NUDCD3: variants seen among roughly 807,000 people sequenced by gnomAD.
NUDCD3 encodes nudC domain-containing protein 3.
Under a neutral mutation model 39.7 loss-of-function variants are expected in NUDCD3, and 13 were observed. The ratio of observed to expected loss-of-function variants is 0.33; its 90% CI spans 0.21 to 0.52. The LOEUF (loss-of-function observed/expected upper bound fraction) is 0.52, where lower values mean the gene tolerates loss of function less well. Among genes scored for constraint, NUDCD3 ranks in the 20% least tolerant of loss-of-function variants. The pLI is 0.96. For synonymous variants in NUDCD3, 175 were observed against 172.4 expected (o/e 1.02, Z -0.12); for missense variants, 453 against 458.1 (o/e 0.99, Z 0.10).
chr7:44,483,233 G>C lies in NUDCD3; in HGVS notation c.509+1735C>G, dbSNP rs150100029. 5.7e-3 allele frequency among the ~76,000 whole-genome samples: 868 copies of C among 152,094 alleles called. 5 individuals carry two copies. Among genetic ancestry groups the C allele is most frequent in the African/African-American group, 0.02 (826 of 41,496 alleles). On this transcript the variant is annotated intron_variant, in intron 2 of 5. Coordinates refer to ENST00000355451, the MANE Select transcript of NUDCD3 (RefSeq NM_015332.4). ...AGAATGGGGATATTTCACACACAGG[G>C]GAACAAAGAATGTCTACTCACTTCT...
chr7:44,412,926 C>CA lies in NUDCD3; in HGVS notation c.643-8344dup, dbSNP rs767754442. On this transcript the variant is annotated intron_variant, in intron 3 of 5. Coordinates refer to ENST00000355451, the MANE Select transcript of NUDCD3 (RefSeq NM_015332.4). ...TGGGCGACAGAGCGAGACGCCGTCT[C>CA]AAAAAAAAAAAAAAAAGAAAAAAAA... Among the ~76,000 whole-genome samples, 376 of 42,918 alleles carry CA rather than the reference C, an allele frequency of 8.8e-3. 5 individuals carry two copies. Among genetic ancestry groups the CA allele is most frequent in the Admixed American group, 0.029 (125 of 4,238 alleles). 28.2% of individuals were successfully genotyped at this position (42,918 alleles called of 152,430 possible).
intron 3 of NUDCD3, among the ~76,000 whole-genome samples, chr7:44,411,269 A>C (rs1363986145): frequency 6.6e-6 from 1 of 152,200 alleles, no homozygotes; most frequent in African/African-American, 2.4e-5. Context: ...CAAAGCAAAA[A>C]AAAAAAATAT....
intron 1 of NUDCD3, among the ~76,000 whole-genome samples, chr7:44,488,416 A>C (rs2116989828): frequency 6.6e-6 from 1 of 151,876 alleles, no homozygotes; most frequent in South Asian, 2.1e-4. Flanking sequence ...AGAAAACATG[A>C]CACCTCTCTT....
intron 3 of NUDCD3, among the ~76,000 whole-genome samples, chr7:44,407,916 A>G (rs1399227318): frequency 2.0e-5 from 3 of 152,202 alleles, no homozygotes; most frequent in Non-Finnish European, 4.4e-5. Context: ...TATGACAGTA[A>G]TAAGATAATT....
chr7:44,438,318 C>G (rs889877485), intron 2 of NUDCD3, among the ~76,000 whole-genome samples: 2 of 152,034 alleles, frequency 1.3e-5, no homozygotes, highest in East Asian at 3.8e-4. Context: ...AAAAGACTTC[C>G]CATGTGAGAA....
At chr7:44,469,437 A>G (rs1800206456) in intron 2 of NUDCD3, among the ~76,000 whole-genome samples, 1 of 152,220 alleles carries the variant, frequency 6.6e-6, no homozygotes, top group Non-Finnish European at 1.5e-5. Context: ...ATAAATGGAG[A>G]GAGAATGATA....
chr7:44,445,204 C>G (rs925253802), intron 2 of NUDCD3, among the ~76,000 whole-genome samples: 1 of 152,246 alleles, frequency 6.6e-6, no homozygotes, highest in African/African-American at 2.4e-5. Context: ...ACTGCAACAG[C>G]TGCCTGGTAT....
intron 2 of NUDCD3, among the ~76,000 whole-genome samples, chr7:44,483,181 A>G (rs559708198): frequency 1.3e-4 from 20 of 152,294 alleles, no homozygotes; most frequent in African/African-American, 4.6e-4. Flanking sequence ...ACTAATGATA[A>G]TAACTTCAAG....
chr7:44,450,046 A>AT (rs1310400105), intron 2 of NUDCD3, among the ~76,000 whole-genome samples: 1 of 152,110 alleles, frequency 6.6e-6, no homozygotes, highest in Non-Finnish European at 1.5e-5. Flanking sequence ...AAACAACCCA[A>AT]TTTTTTTAAA....
Position 44,386,019 on chromosome 7 carries a change from G to T in NUDCD3, c.1078C>A (p.Gln360Lys). 6.6e-7 allele frequency: 1 copy of T among 1,504,194 alleles called. No individual in the cohort carries two copies. The highest frequency in any genetic ancestry group is 9.3e-7 in the Non-Finnish European group (1 of 1,079,686). The allele number at this position is 1,504,194 out of a possible 1,614,324, so 93.2% of individuals were successfully genotyped here. Residue 360 changes from glutamine (Q) to lysine (K), a missense_variant, in exon 6 of 6, where the codon CAG becomes AAG. Gln to Lys is a moderately conservative substitution (Grantham distance 53). Transcript: ENST00000355451. ...TCCTTTCCTTCTGGTCATTAAAACT[G>T]CACAGCCCCCGGGGAGATGTTGAAC... is the stretch of plus-strand genomic sequence containing the variant. ...AMFNISPGAV[Q>K]F
At chr7:44,486,521 GA>G (rs200788958) in intron 1 of NUDCD3, among the ~76,000 whole-genome samples, 2,497 of 145,258 alleles carry the variant, frequency 0.017, 81 homozygotes, top group East Asian at 0.089. Context: ...AGGCAGAGGG[GA>G]AAAAAAAAAA....
chr7:44,388,790 G>C (rs554281685), intron 5 of NUDCD3, among the ~76,000 whole-genome samples: 1 of 152,216 alleles, frequency 6.6e-6, no homozygotes, highest in Non-Finnish European at 1.5e-5. Context: ...CCTGCATGTC[G>C]CTGAAGATCT....
At chr7:44,420,171 G>C (rs1470849633) in intron 3 of NUDCD3, among the ~76,000 whole-genome samples, 1 of 151,984 alleles carries the variant, frequency 6.6e-6, no homozygotes, top group Non-Finnish European at 1.5e-5. Context: ...TGATGGAGCT[G>C]AAAAACACAG....
At chr7:44,444,017 A>C (rs1369551767) in intron 2 of NUDCD3, among the ~76,000 whole-genome samples, 1 of 152,198 alleles carries the variant, frequency 6.6e-6, no homozygotes. Context: ...TTCATCTAAG[A>C]CTAATGCATT....
intron 2 of NUDCD3, among the ~76,000 whole-genome samples, chr7:44,428,123 T>TAAAAAAAAAAA (rs55642004): frequency 1.3e-5 from 1 of 76,102 alleles, no homozygotes; most frequent in Non-Finnish European, 2.5e-5. Flanking sequence ...GGTCAATCTT[T>TAAAAAAAAAAA]AAAAAAAAAA....
At chr7:44,425,115 G>A (rs1037482448) in intron 3 of NUDCD3, among the ~76,000 whole-genome samples, 1 of 152,060 alleles carries the variant, frequency 6.6e-6, no homozygotes, top group African/African-American at 2.4e-5. Flanking sequence ...ACACAGGGAG[G>A]GGAACATCAT....
At chr7:44,458,025 T>C (rs1799936704) in intron 2 of NUDCD3, among the ~76,000 whole-genome samples, 2 of 152,226 alleles carry the variant, frequency 1.3e-5, no homozygotes, top group East Asian at 1.9e-4. Flanking sequence ...CAAAAGCTTG[T>C]ATACAAATGT....
chr7:44,421,475 G>A (rs2116894095), intron 3 of NUDCD3, among the ~76,000 whole-genome samples: 1 of 106,166 alleles, frequency 9.4e-6, no homozygotes, highest in Admixed American at 1.1e-4. Flanking sequence ...TATTTACCAA[G>A]CAAATGGAAA....
chr7:44,427,797 A>G (rs1435637682), intron 2 of NUDCD3, 94 bp from the exon 3 acceptor site: 8 of 1,310,616 alleles, frequency 6.1e-6, no homozygotes, highest in Non-Finnish European at 8.3e-6. Context: ...CATCCTGGAG[A>G]CGTGACCAAC....
Sources: allele counts gnomAD v4.1 joint callset (sites outside exome capture counted in the v4.1 genomes callset), GRCh38; gene constraint gnomAD v4.1.1; transcripts MANE v1.5; gene names NCBI Gene and HGNC (gene_info 2026-07-23, HGNC 2026-07-21).